KCTD3: variants seen among roughly 807,000 people sequenced by gnomAD.
KCTD3 encodes BTB/POZ domain-containing protein KCTD3.
Under a neutral mutation model 85.8 loss-of-function variants are expected in KCTD3, and 41 were observed. That is an observed-to-expected ratio of 0.48 (90% CI 0.37 to 0.62). The LOEUF (loss-of-function observed/expected upper bound fraction) is 0.62, where lower values mean the gene tolerates loss of function less well. Ranked by LOEUF, KCTD3 falls within the 20% of genes least tolerant of loss-of-function variation. The pLI is 0.00. For synonymous variants in KCTD3, 338 were observed against 345.4 expected (o/e 0.98, Z 0.24); for missense variants, 724 against 989.9 (o/e 0.73, Z 3.60).
intron 4 of KCTD3, among the ~76,000 whole-genome samples, chr1:215,576,778 C>T (rs1659601444): frequency 6.6e-6 from 1 of 151,824 alleles, no homozygotes; most frequent in Non-Finnish European, 1.5e-5. Flanking sequence ...CCGTTTTAGT[C>T]ATGATGGTCT....
chr1:215,578,661 A>G (rs1659678879), intron 6 of KCTD3, among the ~76,000 whole-genome samples: 1 of 152,192 alleles, frequency 6.6e-6, no homozygotes, highest in Non-Finnish European at 1.5e-5. Context: ...CAGTTAAATT[A>G]TTACATAGTA....
rs1304906706 is a variant in KCTD3 at position 215,620,075 on chromosome 1, T to C, written c.1905T>C (p.His635=). The stretch of plus-strand genomic sequence containing the variant: ...ATTTCAGCCTTCAGCTTCAGCACCA[T>C]GATACCACCCATGAAGCAGCTACTT... The part of the protein sequence containing the change: ...ESNSSLQLQH[H]DTTHEAATYG... Residue 635 remains histidine (H), a synonymous_variant, in exon 18 of 18, where the codon CAT becomes CAC. Transcript: ENST00000259154. 7 of 1,594,860 alleles carry C rather than the reference T, an allele frequency of 4.4e-6. No homozygotes were observed. Among genetic ancestry groups the C allele is most frequent in the Non-Finnish European group, 4.3e-6 (5 of 1,173,552 alleles).
At position 215,593,416 on chromosome 1, in the gene KCTD3, C is replaced by T. The variant is rs542617511; in HGVS notation, c.818-1940C>T. Among the ~76,000 whole-genome samples the T allele has an allele frequency of 2.0e-5, 3 of 152,170 alleles. No individual in the cohort carries two copies. In the East Asian group the frequency reaches 5.8e-4, roughly 29 times the overall value. ...GTTTTGGTTTCTTTTTGTCATGTAT[C>T]GTCTTCTTGCTAGATGCCTTGCTTT... On this transcript the variant is annotated intron_variant, in intron 9 of 17. Coordinates refer to ENST00000259154, the MANE Select transcript of KCTD3 (RefSeq NM_016121.5).
chr1:215,606,465 C>T (rs139260668), intron 13 of KCTD3, among the ~76,000 whole-genome samples: 8 of 152,070 alleles, frequency 5.3e-5, no homozygotes, highest in African/African-American at 9.6e-5. Flanking sequence ...AATTCTGACA[C>T]GTAAAAGATG....
chr1:215,585,654 A>G (rs1003079794), intron 8 of KCTD3, among the ~76,000 whole-genome samples: 8 of 152,218 alleles, frequency 5.3e-5, no homozygotes, highest in Non-Finnish European at 1.2e-4. Context: ...CTCATTCATT[A>G]TTATGATTAC....
chr1:215,602,730 A>C (rs938060944), intron 12 of KCTD3, among the ~76,000 whole-genome samples: 1 of 152,178 alleles, frequency 6.6e-6, no homozygotes, highest in Non-Finnish European at 1.5e-5. Flanking sequence ...CTGGAGTAAA[A>C]GATAAGCACA....
chr1:215,569,059 A>G (rs750100558), intron 1 of KCTD3, among the ~76,000 whole-genome samples: 1 of 152,004 alleles, frequency 6.6e-6, no homozygotes, highest in Non-Finnish European at 1.5e-5. Flanking sequence ...CAGTATAATC[A>G]TTTACAATCC....
At chr1:215,615,965 G>A (rs1467029929) in intron 15 of KCTD3, among the ~76,000 whole-genome samples, 2 of 152,170 alleles carry the variant, frequency 1.3e-5, no homozygotes, top group Admixed American at 6.5e-5. Context: ...TCCCAGGGAT[G>A]GGGCAGAACC....
rs566722663 is a variant in KCTD3, at chr1:215,586,442, C to T, written c.627-53C>T. On this transcript the variant is annotated intron_variant, in intron 8 of 17. Transcript: ENST00000259154. ...GTTTTTGGTGCATTGATGTGTATTC[C>T]GTTTGCTTCATTGCTGCTGAGTCTA... is the stretch of plus-strand genomic sequence containing the variant. 6.5e-5 allele frequency: 92 copies of T among 1,423,528 alleles called. No homozygotes were observed. The African/African-American group carries it at 8.6e-4, about 13-fold the overall frequency. The allele number at this position is 1,423,528 out of a possible 1,614,324, so 88.2% of individuals were successfully genotyped here.
intron 9 of KCTD3, 50 bp downstream of exon 9, chr1:215,586,735 A>G: frequency 1.4e-6 from 2 of 1,452,808 alleles, no homozygotes; most frequent in Non-Finnish European, 1.9e-6. Flanking sequence ...AATATTTTGA[A>G]GTTTATAAAA....
intron 13 of KCTD3, among the ~76,000 whole-genome samples, chr1:215,606,385 T>G (rs1375434976): frequency 6.6e-6 from 1 of 152,116 alleles, no homozygotes; most frequent in African/African-American, 2.4e-5. Context: ...ATTTGCTTGT[T>G]TATTATCTCT....
chr1:215,580,618 C>G (rs575410719), intron 8 of KCTD3, among the ~76,000 whole-genome samples: 5 of 151,414 alleles, frequency 3.3e-5, no homozygotes, highest in African/African-American at 9.7e-5. Flanking sequence ...TTCAAAATCA[C>G]TGTACTCATT....
intron 3 of KCTD3, among the ~76,000 whole-genome samples, chr1:215,575,093 A>G (rs1659523586): frequency 6.6e-6 from 1 of 152,136 alleles, no homozygotes; most frequent in African/African-American, 2.4e-5. Flanking sequence ...CTCTACTAAA[A>G]ACAGAAAAAT....
At chr1:215,569,103 T>C (rs1659264517) in intron 1 of KCTD3, among the ~76,000 whole-genome samples, 1 of 151,934 alleles carries the variant, frequency 6.6e-6, no homozygotes, top group South Asian at 2.1e-4. Context: ...TGATAGTTAA[T>C]GTATTTCTTT....
In KCTD3 at chr1:215,620,630, A is replaced by G; in HGVS notation, c.*12A>G. Reference sequence around the variant, plus strand: ...AGTACAGCTTGTGAAAACTCACCAAAATGAATAGTTGTTTCGTTACATTTA... The same window carrying G: ...AGTACAGCTTGTGAAAACTCACCAAGATGAATAGTTGTTTCGTTACATTTA... On this transcript the variant is annotated 3_prime_UTR_variant, in exon 18 of 18. Coordinates refer to ENST00000259154, the MANE Select transcript of KCTD3 (RefSeq NM_016121.5). 1 of 1,533,550 alleles carries G rather than the reference A, an allele frequency of 6.5e-7. No individual in the cohort carries two copies. The highest frequency in any genetic ancestry group is 8.8e-7 in the Non-Finnish European group (1 of 1,133,964). The allele number at this position is 1,533,550 out of a possible 1,614,324, so 95.0% of individuals were successfully genotyped here.
At chr1:215,574,152 A>G (rs1278453479) in intron 3 of KCTD3, 34 bp downstream of exon 3, 1 of 1,327,880 alleles carries the variant, frequency 7.5e-7, no homozygotes, top group Non-Finnish European at 1.1e-6. Context: ...ATATTCCTAA[A>G]TTAATGCTTA....
rs1163348501 is a variant in KCTD3 at position 215,621,661 on chromosome 1, G to T, written c.*1043G>T. ...AAATTTAAAGCATTAGCATTTATTG[G>T]TGAATAATGTATATATCCCCATTCC... On this transcript the variant is annotated 3_prime_UTR_variant, in exon 18 of 18. Coordinates refer to ENST00000259154, the MANE Select transcript of KCTD3 (RefSeq NM_016121.5). 2.0e-5 allele frequency: 3 copies of T among 152,436 alleles called. No individual in the cohort carries two copies. The highest frequency in any genetic ancestry group is 4.4e-5 in the Non-Finnish European group (3 of 67,966). 9.4% of individuals were successfully genotyped at this position (152,436 alleles called of 1,614,324 possible). A position where few individuals can be genotyped will look rare whatever the true frequency, so the allele number is the denominator to read the frequency against.
At chr1:215,573,747 A>T (rs1307277641) in intron 1 of KCTD3, 39 bp from the exon 2 acceptor site, 1 of 1,241,050 alleles carries the variant, frequency 8.1e-7, no homozygotes, top group Non-Finnish European at 1.2e-6. Flanking sequence ...ATTTCAAATC[A>T]TGTTCTCACT....
intron 12 of KCTD3, among the ~76,000 whole-genome samples, chr1:215,603,313 C>G (rs955302638): frequency 1.3e-5 from 2 of 151,630 alleles, no homozygotes; most frequent in African/African-American, 4.8e-5. Flanking sequence ...TCCTTTGATT[C>G]AAGTATTTTC....
Sources: allele counts gnomAD v4.1 joint callset (sites outside exome capture counted in the v4.1 genomes callset), GRCh38; gene constraint gnomAD v4.1.1; transcripts MANE v1.5; gene names NCBI Gene and HGNC (gene_info 2026-07-23, HGNC 2026-07-21).